MTMR3: variants seen among roughly 807,000 people sequenced by gnomAD.
MTMR3 encodes myotubularin related protein 3.
In MTMR3, 32 loss-of-function variants were observed where a neutral mutation model predicts 132.4. That is an observed-to-expected ratio of 0.24 (90% CI 0.18 to 0.32). The LOEUF (loss-of-function observed/expected upper bound fraction) is 0.32. MTMR3 is among the 10% of genes least tolerant of loss of function. MTMR3 has a pLI of 1.00. For missense variants in MTMR3, 1,216 were observed against 1,489.6 expected (o/e 0.82, Z 3.02); for synonymous variants, 556 against 550.3 (o/e 1.01, Z -0.14).
chr22:29,966,338 T>A (rs934065253), intron 2 of MTMR3, among the ~76,000 whole-genome samples: 1 of 152,208 alleles, frequency 6.6e-6, no homozygotes, highest in Non-Finnish European at 1.5e-5. Context: ...TGTCTCAGCT[T>A]ATACTTTGAA....
In MTMR3 at chr22:30,025,947, A is replaced by G. The variant is rs1016701993; in HGVS notation, c.*146A>G. The G allele has an allele frequency of 1.4e-5, 10 of 714,998 alleles. No homozygotes were observed. The highest frequency in any genetic ancestry group is 2.3e-5 in the Non-Finnish European group (10 of 439,156). The allele number at this position is 714,998 out of a possible 1,614,324, so 44.3% of individuals were successfully genotyped here. ...TGACAGATTTGGGATGCACCACTGGATTGTAGATTGATTTTTCTTTCCTGT... is the reference window on the plus strand; with the variant it reads ...TGACAGATTTGGGATGCACCACTGGGTTGTAGATTGATTTTTCTTTCCTGT... On this transcript the variant is annotated 3_prime_UTR_variant, in exon 20 of 20. Coordinates refer to ENST00000401950, the MANE Select transcript of MTMR3 (RefSeq NM_021090.4).
At position 29,931,780 on chromosome 22, in the gene MTMR3, C is replaced by CTTTTT. The variant is rs34210747; in HGVS notation, c.-137-25243_-137-25239dup. ...TCCTCCTAGAAGGGGAGAGAGAATC[C>CTTTTT]TTTTTTTTTTTTTTTTTAAAGCAGA... On this transcript the variant is annotated intron_variant, in intron 1 of 19. Transcript: ENST00000401950. Among the ~76,000 whole-genome samples, 377 of 140,920 alleles carry CTTTTT rather than the reference C, an allele frequency of 2.7e-3. 1 individual carries two copies. Among genetic ancestry groups the CTTTTT allele is most frequent in the African/African-American group, 9.3e-3 (353 of 37,862 alleles). The allele number at this position is 140,920 out of a possible 152,430, so 92.4% of individuals were successfully genotyped here.
At chr22:29,891,037 A>C (rs2064787913) in intron 1 of MTMR3, among the ~76,000 whole-genome samples, 1 of 152,094 alleles carries the variant, frequency 6.6e-6, no homozygotes, top group African/African-American at 2.4e-5. Context: ...AGAAAAAAAA[A>C]AAAGATGAGA....
chr22:29,931,966 C>T (rs2065656455), intron 1 of MTMR3, among the ~76,000 whole-genome samples: 1 of 152,118 alleles, frequency 6.6e-6, no homozygotes, highest in Non-Finnish European at 1.5e-5. Context: ...TTTCACTGTA[C>T]ACCTTCTCAA....
chr22:29,906,257 T>C lies in MTMR3; in HGVS notation c.-138+22898T>C, dbSNP rs796165074. 1.8e-3 allele frequency among the ~76,000 whole-genome samples: 127 copies of C among 69,402 alleles called. 1 individual carries two copies. In the East Asian group the frequency reaches 0.023, roughly 13 times the overall value. The allele number at this position is 69,402 out of a possible 152,430, so 45.5% of individuals were successfully genotyped here. A position where few individuals can be genotyped will look rare whatever the true frequency, so the allele number is the denominator to read the frequency against. On this transcript the variant is annotated intron_variant, in intron 1 of 19. Coordinates refer to ENST00000401950, the MANE Select transcript of MTMR3 (RefSeq NM_021090.4). Reference sequence around the variant, plus strand: ...TTATCCATCCATCCGTCTGTCTGTCTGTCTGTCTGTCTGTCTGTCTGTCTG... The same window carrying C: ...TTATCCATCCATCCGTCTGTCTGTCCGTCTGTCTGTCTGTCTGTCTGTCTG...
intron 1 of MTMR3, among the ~76,000 whole-genome samples, chr22:29,935,534 A>C (rs2065731144): frequency 6.6e-6 from 1 of 152,238 alleles, no homozygotes; most frequent in Non-Finnish European, 1.5e-5. Context: ...GCAGAAACTG[A>C]AATGATACGG....
At chr22:30,018,792 T>C (rs1255091619) in intron 16 of MTMR3, 1 of 151,934 alleles carries the variant, frequency 6.6e-6, no homozygotes, top group African/African-American at 2.4e-5. Flanking sequence ...ATTAGCTTTA[T>C]TAAATTCAGA....
intron 1 of MTMR3, among the ~76,000 whole-genome samples, chr22:29,929,126 C>G (rs184162706): frequency 1.3e-5 from 2 of 151,784 alleles, no homozygotes; most frequent in African/African-American, 4.8e-5. Context: ...CTAAAAAATA[C>G]AAAAATTAGC....
intron 1 of MTMR3, among the ~76,000 whole-genome samples, chr22:29,923,085 A>T (rs1225560895): frequency 7.2e-6 from 1 of 139,430 alleles, no homozygotes; most frequent in Admixed American, 7.5e-5. Flanking sequence ...TCTATTGCCC[A>T]GGCTGGGGTG....
At position 30,002,831 on chromosome 22, in the gene MTMR3, C is replaced by T. The variant is rs747544692; in HGVS notation, c.558-49C>T. 7 of 1,408,524 alleles carry T rather than the reference C, an allele frequency of 5.0e-6. No individual in the cohort carries two copies. The South Asian group carries it at 7.0e-5, about 14-fold the overall frequency. 87.3% of individuals were successfully genotyped at this position (1,408,524 alleles called of 1,614,324 possible). A position where few individuals can be genotyped will look rare whatever the true frequency, so the allele number is the denominator to read the frequency against. On this transcript the variant is annotated intron_variant, in intron 8 of 19. Transcript: ENST00000401950. ...TCTCTCTCTCTCTCCCGTTTTCTCT[C>T]TCCCTCTCTTATCCCCTTGACTCTC...
intron 3 of MTMR3, among the ~76,000 whole-genome samples, chr22:29,971,875 C>T (rs1569030651): frequency 6.6e-6 from 1 of 152,164 alleles, no homozygotes; most frequent in Non-Finnish European, 1.5e-5. Context: ...CCTTCTTCTA[C>T]CTTGTGATGT....
intron 7 of MTMR3, chr22:29,997,140 T>G (rs2145918756): frequency 6.6e-6 from 1 of 152,342 alleles, no homozygotes; most frequent in African/African-American, 2.4e-5. Flanking sequence ...CTTCTAAAAC[T>G]TTTCCAAAAT....
intron 6 of MTMR3, chr22:29,989,493 C>G (rs1460618710): frequency 1.3e-5 from 2 of 152,250 alleles, no homozygotes; most frequent in South Asian, 2.1e-4. Context: ...TCCCAAAGTG[C>G]TGGGATTACA....
rs145991057 is a variant in MTMR3, at chr22:29,957,618, T to A, written c.-85+530T>A. Among the ~76,000 whole-genome samples the A allele has an allele frequency of 4.5e-3, 680 of 152,200 alleles. 6 individuals are homozygous for A. Among genetic ancestry groups the A allele is most frequent in the African/African-American group, 0.015 (642 of 41,544 alleles). On this transcript the variant is annotated intron_variant, in intron 2 of 19. Coordinates refer to ENST00000401950, the MANE Select transcript of MTMR3 (RefSeq NM_021090.4). Reference sequence around the variant, plus strand: ...GGTGTGTGCCATCAGGCCTGGCTAGTTTGGAAACTTTTTTTGTAGAGACAG... The same window carrying A: ...GGTGTGTGCCATCAGGCCTGGCTAGATTGGAAACTTTTTTTGTAGAGACAG...
rs191008448 is a variant in MTMR3 at position 29,919,084 on chromosome 22, G to A, written c.-138+35725G>A. On this transcript the variant is annotated intron_variant, in intron 1 of 19. Coordinates refer to ENST00000401950, the MANE Select transcript of MTMR3 (RefSeq NM_021090.4). ...CCCTACAAGGGACATTTTAGTGTAAGGCAAAAATATAAAATTATCACTCAT... is the reference window on the plus strand; with the variant it reads ...CCCTACAAGGGACATTTTAGTGTAAAGCAAAAATATAAAATTATCACTCAT... 2.6e-3 allele frequency among the ~76,000 whole-genome samples: 397 copies of A among 152,194 alleles called. 3 individuals are homozygous for A. The highest frequency in any genetic ancestry group is 9.2e-3 in the African/African-American group (382 of 41,516).
chr22:29,942,207 G>A (rs1488489870), intron 1 of MTMR3, among the ~76,000 whole-genome samples: 1 of 152,046 alleles, frequency 6.6e-6, no homozygotes, highest in Non-Finnish European at 1.5e-5. Flanking sequence ...GAATGTCTAG[G>A]GGAGATGTCA....
chr22:29,979,400 G>A (rs2066694741), intron 5 of MTMR3: 1 of 222,992 alleles, frequency 4.5e-6, no homozygotes, highest in African/African-American at 2.3e-5. Flanking sequence ...GCTGAGTCAG[G>A]AGAATGGCAT....
chr22:29,935,957 T>C (rs1023899126), intron 1 of MTMR3, among the ~76,000 whole-genome samples: 15 of 151,952 alleles, frequency 9.9e-5, no homozygotes, highest in African/African-American at 3.4e-4. Context: ...TTTCACCGTA[T>C]TAGCCAGGGT....
chr22:29,970,721 C>CT (rs2034838504), intron 2 of MTMR3, among the ~76,000 whole-genome samples: 1 of 151,844 alleles, frequency 6.6e-6, no homozygotes, highest in Admixed American at 6.6e-5. Flanking sequence ...GAATGTTAGC[C>CT]TTTGATACTG....
Sources: gnomAD v4.1 joint callset for allele counts (sites outside exome capture counted in the v4.1 genomes callset) on GRCh38, gnomAD v4.1.1 for gene constraint, MANE v1.5 for transcripts, NCBI Gene and HGNC (gene_info 2026-07-23, HGNC 2026-07-21) for gene names.